The following TRMT10B variants were observed in gnomAD, a reference collection of about 807,000 sequenced individuals.
TRMT10B encodes the protein tRNA methyltransferase 10 homolog B.
A neutral mutation model predicts 43.8 loss-of-function variants in TRMT10B; 33 were observed. That is an observed-to-expected ratio of 0.75 (90% CI 0.57 to 1.01). TRMT10B has a LOEUF of 1.01. Among genes scored for constraint, TRMT10B ranks in the 50% least tolerant of loss-of-function variants. The pLI, the probability that TRMT10B is intolerant of heterozygous loss-of-function variation, is 0.00. For synonymous variants in TRMT10B, 137 were observed against 130.6 expected (o/e 1.05, Z -0.34); for missense variants, 362 against 369.8 (o/e 0.98, Z 0.17).
rs1827467321 is a variant in TRMT10B, at chr9:37,770,627, A to G, written c.653-45A>G. 2.0e-6 allele frequency: 3 copies of G among 1,534,246 alleles called. No homozygotes were observed. The East Asian group carries it at 6.8e-5, about 35-fold the overall frequency. On this transcript the variant is annotated intron_variant, in intron 6 of 8. Transcript: ENST00000297994. ...CATTTTGCTTTCTCTGGATTTAGAAATTATAAAACAGATTTGATCTCATTG... is the reference window on the plus strand; with the variant it reads ...CATTTTGCTTTCTCTGGATTTAGAAGTTATAAAACAGATTTGATCTCATTG...
Position 37,778,390 on chromosome 9 carries a change from C to CTGTAGTCTCAGCTACTCA in TRMT10B, c.*684_*701dup, listed in dbSNP as rs1380037470. 6.6e-6 allele frequency: 1 copy of CTGTAGTCTCAGCTACTCA among 152,146 alleles called. No individual in the cohort carries two copies. Among genetic ancestry groups the CTGTAGTCTCAGCTACTCA allele is most frequent in the East Asian group, 1.9e-4 (1 of 5,172 alleles). 9.4% of individuals were successfully genotyped at this position (152,146 alleles called of 1,614,324 possible). On this transcript the variant is annotated 3_prime_UTR_variant, in exon 9 of 9. Coordinates refer to ENST00000297994, the MANE Select transcript of TRMT10B (RefSeq NM_144964.4). ...ATTAGCTGGGCATGGTGGTGCGTGCCTGTAGTCTCAGCTACTCAGGAGGCT... is the reference window on the plus strand; with the variant it reads ...ATTAGCTGGGCATGGTGGTGCGTGCCTGTAGTCTCAGCTACTCATGTAGTCTCAGCTACTCAGGAGGCT...
intron 4 of TRMT10B, among the ~76,000 whole-genome samples, chr9:37,764,022 TC>T (rs1826708759): frequency 6.6e-6 from 1 of 152,246 alleles, no homozygotes. Flanking sequence ...CATGATATCC[TC>T]AGTCTGGATG....
chr9:37,755,609 A>G (rs1825570573), intron 1 of TRMT10B, among the ~76,000 whole-genome samples: 1 of 152,128 alleles, frequency 6.6e-6, no homozygotes, highest in Admixed American at 6.5e-5. Flanking sequence ...ACAAAGATAC[A>G]AAAGAGGTGG....
intron 7 of TRMT10B, among the ~76,000 whole-genome samples, chr9:37,775,180 C>T (rs10973538): frequency 0.17 from 25,924 of 152,188 alleles, 2,349 homozygotes; most frequent in South Asian, 0.25. Context: ...CTCCCTGTCA[C>T]AAGAGCTGTC....
chr9:37,773,536 T>G (rs1023220241), intron 7 of TRMT10B, among the ~76,000 whole-genome samples: 1 of 152,192 alleles, frequency 6.6e-6, no homozygotes, highest in Admixed American at 6.5e-5. Context: ...TTTGAAATAC[T>G]TCAAAGTAAA....
At position 37,763,676 on chromosome 9, in the gene TRMT10B, G is replaced by A. The variant is rs1456801112; in HGVS notation, c.343G>A (p.Asp115Asn). Reference protein sequence around the residue: ...SKRFLRALTKDKLLEAKHSGP... With the variant: ...SKRFLRALTKNKLLEAKHSGP... ...ACGTTTCCTGAGAGCTCTAACCAAA[G>A]ACAAACTTTTGGAAGCCAAACACTC... The change falls in exon 4 of 9, where the codon GAC (aspartate) becomes AAC (asparagine). Residue 115 changes from aspartate (D) to asparagine (N), a missense_variant. By Grantham distance (23) the Asp-to-Asn change is conservative. Transcript: ENST00000297994. 1 of 1,614,098 alleles carries A rather than the reference G, an allele frequency of 6.2e-7. No individual in the cohort carries two copies. Among genetic ancestry groups the A allele is most frequent in the Non-Finnish European group, 8.5e-7 (1 of 1,180,012 alleles).
At chr9:37,766,089 C>A (rs897806067) in intron 4 of TRMT10B, among the ~76,000 whole-genome samples, 2 of 152,112 alleles carry the variant, frequency 1.3e-5, no homozygotes, top group Admixed American at 1.3e-4. Context: ...TGAATTAGAT[C>A]CCATTTGTCA....
chr9:37,762,251 G>A, intron 2 of TRMT10B, 134 bp downstream of exon 2: 1 of 1,112,592 alleles, frequency 9.0e-7, no homozygotes, highest in Non-Finnish European at 1.2e-6. Context: ...TGAATTTTCT[G>A]CTAACTGGTT....
At chr9:37,752,927 G>A (rs555165630), upstream of TRMT10B, among the ~76,000 whole-genome samples, 6 of 152,180 alleles carry the variant, frequency 3.9e-5, no homozygotes, top group South Asian at 2.1e-4. Flanking sequence ...TGCCTTTCTG[G>A]ACTGTGGGTG....
intron 1 of TRMT10B, 132 bp downstream of exon 1, chr9:37,753,984 C>A (rs1159079543): frequency 6.6e-6 from 1 of 152,358 alleles, no homozygotes; most frequent in Non-Finnish European, 1.5e-5. Flanking sequence ...GGTACTCCAC[C>A]TTCCTGATAC....
intron 4 of TRMT10B, among the ~76,000 whole-genome samples, chr9:37,766,527 T>C (rs1445922921): frequency 2.0e-5 from 3 of 152,222 alleles, no homozygotes; most frequent in Non-Finnish European, 2.9e-5. Flanking sequence ...CCTCCAGCTT[T>C]GTTCTTTTGG....
chr9:37,761,634 G>T (rs1333447708), intron 1 of TRMT10B, among the ~76,000 whole-genome samples: 1 of 152,188 alleles, frequency 6.6e-6, no homozygotes, highest in African/African-American at 2.4e-5. Context: ...GGAGGCAGAG[G>T]TTGCAGTGAG....
intron 7 of TRMT10B, among the ~76,000 whole-genome samples, chr9:37,774,844 G>A (rs900150130): frequency 1.3e-5 from 2 of 152,180 alleles, no homozygotes; most frequent in South Asian, 2.1e-4. Context: ...TTATGGGACC[G>A]TAAACAAAAT....
Position 37,763,704 on chromosome 9 carries a change from G to T in TRMT10B, c.371G>T (p.Gly124Val). Reference protein sequence around the residue: ...KDKLLEAKHSGPRLCIDLSMT... With the variant: ...KDKLLEAKHSVPRLCIDLSMT... ...AAACTTTTGGAAGCCAAACACTCAGGACCAAGACTATGTATCGATTTGAGT... is the reference window on the plus strand; with the variant it reads ...AAACTTTTGGAAGCCAAACACTCAGTACCAAGACTATGTATCGATTTGAGT... The change falls in exon 4 of 9, where the codon GGA becomes GTA. Residue 124 changes from glycine to valine, a missense_variant. Transcript: ENST00000297994. The T allele has an allele frequency of 6.2e-7, 1 of 1,614,130 alleles. No homozygotes were observed. Among genetic ancestry groups the T allele is most frequent in the Non-Finnish European group, 8.5e-7 (1 of 1,180,014 alleles).
chr9:37,763,155 A>C lies in TRMT10B; in HGVS notation c.295+470A>C, dbSNP rs570687968. On this transcript the variant is annotated intron_variant, in intron 3 of 8. Transcript: ENST00000297994. ...TGAGACTCTGTCTCAAAAAAAAAAA[A>C]AAAAAAAAAACAAAAAAAAAAATTT... Among the ~76,000 whole-genome samples the C allele has an allele frequency of 5.0e-4, 74 of 147,172 alleles. No individual in the cohort carries two copies. In the South Asian group the frequency reaches 8.8e-3, roughly 18 times the overall value.
intron 7 of TRMT10B, among the ~76,000 whole-genome samples, chr9:37,771,472 T>G (rs73649212): frequency 2.7e-4 from 41 of 151,530 alleles, no homozygotes; most frequent in African/African-American, 9.7e-4. Context: ...CTATCTATGT[T>G]CCTGTATGTA....
intron 1 of TRMT10B, among the ~76,000 whole-genome samples, chr9:37,758,945 G>A (rs1321637725): frequency 1.3e-5 from 2 of 152,172 alleles, no homozygotes; most frequent in African/African-American, 4.8e-5. Flanking sequence ...TGCTGAGATT[G>A]GATACAGCAG....
At position 37,768,227 on chromosome 9, in the gene TRMT10B, TG is replaced by T; in HGVS notation, c.573+1del. The T allele has an allele frequency of 6.2e-7, 1 of 1,610,966 alleles. No homozygotes were observed. The highest frequency in any genetic ancestry group is 2.2e-5 in the East Asian group (1 of 44,840). ...ATGAATGATGGATTTTCTAGTTACC[TG>T]GTAAGTCTCTTTTTGCATATTATTT... ...VRMNDGFSSY[L>X]LDITEEDCFS... On this transcript the variant is annotated frameshift_variant and splice_region_variant, in exon 5 of 9. Coordinates refer to ENST00000297994, the MANE Select transcript of TRMT10B (RefSeq NM_144964.4). LOFTEE classifies it high-confidence loss of function.
At chr9:37,754,134 G>A (rs1825321841) in intron 1 of TRMT10B, among the ~76,000 whole-genome samples, 1 of 152,216 alleles carries the variant, frequency 6.6e-6, no homozygotes, top group Non-Finnish European at 1.5e-5. Flanking sequence ...GGCTAGCAAA[G>A]GTCTGAGGCC....
Sources: allele counts gnomAD v4.1 joint callset (sites outside exome capture counted in the v4.1 genomes callset), GRCh38; gene constraint gnomAD v4.1.1; transcripts MANE v1.5; gene names NCBI Gene and HGNC (gene_info 2026-07-23, HGNC 2026-07-21).